Variants in COL22A1 observed in about 807,000 individuals in gnomAD.
COL22A1 encodes collagen type XXII alpha 1 chain.
COL22A1 carries 221 observed loss-of-function variants against 248.9 expected under a neutral mutation model. That is an observed-to-expected ratio of 0.89 (90% CI 0.80 to 0.99). The LOEUF (loss-of-function observed/expected upper bound fraction) is 0.99. Ranked by LOEUF, COL22A1 falls within the 50% of genes least tolerant of loss-of-function variation. The pLI, the probability that COL22A1 is intolerant of heterozygous loss-of-function variation, is 0.00. For missense variants in COL22A1, 2,240 were observed against 2,179.0 expected (o/e 1.03, Z -0.56); for synonymous variants, 891 against 793.4 (o/e 1.12, Z -2.07).
intron 6 of COL22A1, 98 bp downstream of exon 6, chr8:138,826,560 A>G: frequency 7.7e-7 from 1 of 1,307,096 alleles, no homozygotes. Flanking sequence ...AGGCCCAGGG[A>G]TAAGAGCCCT....
At chr8:138,633,116 A>G (rs1445555413) in intron 49 of COL22A1, among the ~76,000 whole-genome samples, 2 of 152,238 alleles carry the variant, frequency 1.3e-5, no homozygotes, top group Non-Finnish European at 2.9e-5. Context: ...ACAAAGAGCA[A>G]AACTAAAACA....
intron 63 of COL22A1, among the ~76,000 whole-genome samples, chr8:138,592,002 A>T (rs1817104513): frequency 6.6e-6 from 1 of 152,204 alleles, no homozygotes; most frequent in African/African-American, 2.4e-5. Flanking sequence ...AACCTTTGTC[A>T]GGAAGAAACT....
At chr8:138,839,012 T>C (rs1439357270) in intron 4 of COL22A1, among the ~76,000 whole-genome samples, 1 of 152,110 alleles carries the variant, frequency 6.6e-6, no homozygotes, top group Non-Finnish European at 1.5e-5. Flanking sequence ...GGAGTTTCCA[T>C]GGGTCTGGGT....
chr8:138,667,739 C>T (rs1174752132), intron 41 of COL22A1, among the ~76,000 whole-genome samples: 3 of 152,074 alleles, frequency 2.0e-5, no homozygotes, highest in South Asian at 2.1e-4. Context: ...ACTAGAACAG[C>T]GCCAGTCTGC....
intron 32 of COL22A1, among the ~76,000 whole-genome samples, chr8:138,699,174 C>T (rs1827758755): frequency 6.6e-6 from 1 of 152,164 alleles, no homozygotes; most frequent in South Asian, 2.1e-4. Context: ...ACCCACTTCT[C>T]CCTAAGTCCA....
At chr8:138,840,233 C>T (rs1430161169) in intron 4 of COL22A1, among the ~76,000 whole-genome samples, 4 of 152,136 alleles carry the variant, frequency 2.6e-5, no homozygotes, top group Non-Finnish European at 5.9e-5. Flanking sequence ...ATGGCTGGAG[C>T]GGTTTTTCGG....
At chr8:138,603,331 A>G (rs2131840388) in intron 59 of COL22A1, among the ~76,000 whole-genome samples, 1 of 152,298 alleles carries the variant, frequency 6.6e-6, no homozygotes, top group African/African-American at 2.4e-5. Context: ...GTATTCCTGG[A>G]TGAATCTTTA....
At chr8:138,863,808 A>G (rs1281516038) in intron 3 of COL22A1, among the ~76,000 whole-genome samples, 1 of 152,104 alleles carries the variant, frequency 6.6e-6, no homozygotes, top group African/African-American at 2.4e-5. Context: ...TAATCTACAA[A>G]TACTCTCTCA....
chr8:138,709,243 A>G (rs1425712586), intron 30 of COL22A1, among the ~76,000 whole-genome samples: 1 of 152,204 alleles, frequency 6.6e-6, no homozygotes, highest in Non-Finnish European at 1.5e-5. Context: ...TTCCTCAAGG[A>G]TCTAGAACTA....
intron 1 of COL22A1, among the ~76,000 whole-genome samples, chr8:138,912,975 A>G (rs187171140): frequency 1.5e-3 from 225 of 152,278 alleles, no homozygotes; most frequent in African/African-American, 5.1e-3. Context: ...ATCGTGCTCA[A>G]TAAAGTGGCA....
chr8:138,669,885 CTTTTTTTTTTT>C lies in COL22A1; in HGVS notation c.3151-6156_3151-6146del, dbSNP rs34714342. Among the ~76,000 whole-genome samples, 4 of 121,236 alleles carry C rather than the reference CTTTTTTTTTTT, an allele frequency of 3.3e-5. No homozygotes were observed. The South Asian group carries it at 8.2e-4, about 25-fold the overall frequency. The allele number at this position is 121,236 out of a possible 152,430, so 79.5% of individuals were successfully genotyped here. On this transcript the variant is annotated intron_variant, in intron 41 of 64. Transcript: ENST00000303045. Reference sequence around the variant, plus strand: ...CCATCAACAGAAGAAACTCCTAAGACTTTTTTTTTTTTTTTTTTTGAGATGGAGTCTCGCTC... The same window carrying C: ...CCATCAACAGAAGAAACTCCTAAGACTTTTTTTTGAGATGGAGTCTCGCTC...
intron 2 of COL22A1, among the ~76,000 whole-genome samples, chr8:138,879,413 C>A (rs914982326): frequency 1.3e-5 from 2 of 151,950 alleles, no homozygotes. Flanking sequence ...GTCTTAAGGC[C>A]AGGTGCAGTG....
chr8:138,604,687 T>C, intron 59 of COL22A1, 47 bp downstream of exon 59: 3 of 1,571,404 alleles, frequency 1.9e-6, no homozygotes, highest in Non-Finnish European at 2.6e-6. Flanking sequence ...AGACTGCCCA[T>C]TGGTGGTAAA....
chr8:138,854,933 GTGGTGATGA>G lies in COL22A1; in HGVS notation c.659-10784_659-10776del, dbSNP rs530321327. Among the ~76,000 whole-genome samples the G allele has an allele frequency of 2.1e-3, 317 of 152,004 alleles. 2 individuals are homozygous for G. Among genetic ancestry groups the G allele is most frequent in the African/African-American group, 7.4e-3 (306 of 41,450 alleles). ...GATGGTGATGCTGATGGTGATGGCA[GTGGTGATGA>G]TGGTGATGATGGAGGAGGTGATGGT... On this transcript the variant is annotated intron_variant, in intron 3 of 64. Coordinates refer to ENST00000303045, the MANE Select transcript of COL22A1 (RefSeq NM_152888.3).
intron 10 of COL22A1, among the ~76,000 whole-genome samples, chr8:138,804,082 CCT>C (rs1249921719): frequency 6.6e-6 from 1 of 152,210 alleles, no homozygotes; most frequent in African/African-American, 2.4e-5. Flanking sequence ...CTATCCCAAT[CCT>C]CTCTTTCCTG....
intron 52 of COL22A1, chr8:138,620,631 C>A (rs1819709993): frequency 6.6e-6 from 1 of 152,128 alleles, no homozygotes; most frequent in African/African-American, 2.4e-5. Flanking sequence ...ATCACTGGCC[C>A]AAGGCACCAG....
intron 32 of COL22A1, among the ~76,000 whole-genome samples, chr8:138,695,678 T>A (rs918117900): frequency 6.6e-6 from 1 of 151,962 alleles, no homozygotes; most frequent in Non-Finnish European, 1.5e-5. Context: ...GTGGGCCCAG[T>A]ATGGAATGAT....
At chr8:138,598,028 C>A (rs1394423988) in intron 61 of COL22A1, among the ~76,000 whole-genome samples, 1 of 152,168 alleles carries the variant, frequency 6.6e-6, no homozygotes, top group East Asian at 1.9e-4. Flanking sequence ...ATGAGGGTCT[C>A]CAGAAGACCA....
At chr8:138,649,135 C>T (rs1198893443) in intron 46 of COL22A1, among the ~76,000 whole-genome samples, 1 of 152,232 alleles carries the variant, frequency 6.6e-6, no homozygotes, top group Non-Finnish European at 1.5e-5. Context: ...TGCTCCAGGA[C>T]AGACCATGAA....
Sources: gnomAD v4.1 joint callset for allele counts (sites outside exome capture counted in the v4.1 genomes callset) on GRCh38, gnomAD v4.1.1 for gene constraint, MANE v1.5 for transcripts, NCBI Gene and HGNC (gene_info 2026-07-23, HGNC 2026-07-21) for gene names.